Variants in PAQR8 observed in about 807,000 individuals in gnomAD.
PAQR8 encodes the protein membrane progestin receptor beta.
In PAQR8, 17 loss-of-function variants were observed where a neutral mutation model predicts 25.2. The observed-to-expected ratio is 0.67, with a 90% confidence interval of 0.46 to 1.01. The LOEUF (loss-of-function observed/expected upper bound fraction) is 1.01. Among genes scored for constraint, PAQR8 ranks in the 50% least tolerant of loss-of-function variants. The probability of loss-of-function intolerance (pLI) is 0.00; values close to 1 mark genes in which losing one functional copy is unlikely to be tolerated. For missense variants in PAQR8, 392 were observed against 448.4 expected, an observed-to-expected ratio of 0.87 and a Z score of 1.14; for synonymous variants, 204 against 190.6, an observed-to-expected ratio of 1.07 and a Z score of -0.58.
chr6:52,394,710 G>A (rs1028897820), intron 1 of PAQR8, among the ~76,000 whole-genome samples: 1 of 152,070 alleles, frequency 6.6e-6, no homozygotes, highest in Non-Finnish European at 1.5e-5. Flanking sequence ...GAGTGGTTAC[G>A]TTCAGTAGAT....
chr6:52,392,331 G>A (rs1173515700), intron 1 of PAQR8, among the ~76,000 whole-genome samples: 9 of 148,346 alleles, frequency 6.1e-5, no homozygotes, highest in Non-Finnish European at 1.3e-4. Context: ...GTGACAGAGC[G>A]AGACTCCATC....
intron 1 of PAQR8, among the ~76,000 whole-genome samples, chr6:52,374,801 A>G (rs1346214656): frequency 6.6e-6 from 1 of 151,914 alleles, no homozygotes; most frequent in Non-Finnish European, 1.5e-5. Context: ...CTCTTTTTTT[A>G]ACCATCTTAC....
chr6:52,386,354 C>G lies in PAQR8; in HGVS notation c.-52-16808C>G, dbSNP rs1019031967. 3.9e-5 allele frequency among the ~76,000 whole-genome samples: 6 copies of G among 152,246 alleles called. No homozygotes were observed. The East Asian group carries it at 7.7e-4, about 20-fold the overall frequency. ...GCAACCACATTACTGGGTATGTACT[C>G]AAAGGAAAACAAATTGTTCTACCAA... On this transcript the variant is annotated intron_variant, in intron 1 of 1. Transcript: ENST00000442253.
At chr6:52,364,083 GTTT>G (rs67846872) in intron 1 of PAQR8, among the ~76,000 whole-genome samples, 19 of 84,264 alleles carry the variant, frequency 2.3e-4, no homozygotes, top group African/African-American at 6.0e-4. Context: ...TGAAAGATAT[GTTT>G]TTTTTTTTTT....
intron 1 of PAQR8, among the ~76,000 whole-genome samples, chr6:52,392,498 C>T (rs1763721864): frequency 6.6e-6 from 1 of 152,154 alleles, no homozygotes; most frequent in East Asian, 1.9e-4. Flanking sequence ...AACACTATTG[C>T]TTTGGAGTGC....
chr6:52,398,494 C>T (rs1204247957), intron 1 of PAQR8, among the ~76,000 whole-genome samples: 1 of 152,052 alleles, frequency 6.6e-6, no homozygotes, highest in Non-Finnish European at 1.5e-5. Flanking sequence ...AGGTGTGAGC[C>T]ACCATGCGTG....
chr6:52,373,696 G>A (rs1397785649), intron 1 of PAQR8: 3 of 152,176 alleles, frequency 2.0e-5, no homozygotes. Flanking sequence ...GATTGCCTTA[G>A]GGTAGAGGGA....
intron 1 of PAQR8, 31 bp from the exon 2 acceptor site, chr6:52,403,131 G>A (rs908227933): frequency 2.5e-6 from 3 of 1,205,920 alleles, no homozygotes; most frequent in Admixed American, 2.5e-5. Context: ...GTCTCACTGC[G>A]GCTTTGCCAA....
chr6:52,383,012 C>T (rs1225481897), intron 1 of PAQR8, among the ~76,000 whole-genome samples: 1 of 152,196 alleles, frequency 6.6e-6, no homozygotes, highest in Non-Finnish European at 1.5e-5. Flanking sequence ...TCTCAAACTC[C>T]TGGGTTCAAG....
At chr6:52,392,703 A>G (rs1357199012) in intron 1 of PAQR8, among the ~76,000 whole-genome samples, 2 of 152,222 alleles carry the variant, frequency 1.3e-5, no homozygotes, top group African/African-American at 4.8e-5. Flanking sequence ...CCTCAGGTTT[A>G]TGATTGGAAT....
chr6:52,386,994 A>C (rs1763640064), intron 1 of PAQR8, among the ~76,000 whole-genome samples: 1 of 152,198 alleles, frequency 6.6e-6, no homozygotes, highest in African/African-American at 2.4e-5. Context: ...TTTCAAATGA[A>C]GCTCTTCTAT....
intron 1 of PAQR8, among the ~76,000 whole-genome samples, chr6:52,385,139 C>A (rs890744058): frequency 6.6e-6 from 1 of 152,164 alleles, no homozygotes; most frequent in Non-Finnish European, 1.5e-5. Context: ...ATAATTGGAT[C>A]ATGGGGGCAG....
rs1033091061 is a variant in PAQR8, at chr6:52,404,182, C to T, written c.969C>T (p.Ala323=). Residue 323 remains alanine (A), a synonymous_variant, in exon 2 of 2, where the codon GCC becomes GCT. Coordinates refer to ENST00000442253, the MANE Select transcript of PAQR8 (RefSeq NM_133367.5). ...QRHGPLSVHM[A]CLSFFFLAAC... ...ATGGACCCCTATCTGTCCACATGGC[C>T]TGCCTCTCCTTCTTCTTCCTGGCTG... 1 of 1,613,950 alleles carries T rather than the reference C, an allele frequency of 6.2e-7. No individual in the cohort carries two copies. The highest frequency in any genetic ancestry group is 8.5e-7 in the Non-Finnish European group (1 of 1,179,958).
intron 1 of PAQR8, among the ~76,000 whole-genome samples, chr6:52,382,920 C>T (rs1403451856): frequency 6.6e-6 from 1 of 152,138 alleles, no homozygotes; most frequent in Admixed American, 6.5e-5. Context: ...TAGCTGGGGC[C>T]ACAGGCACAT....
intron 1 of PAQR8, among the ~76,000 whole-genome samples, chr6:52,374,740 A>T (rs1384501152): frequency 6.6e-6 from 1 of 151,648 alleles, no homozygotes; most frequent in Non-Finnish European, 1.5e-5. Context: ...CTTCCCCCTT[A>T]CCTGTCCTGT....
intron 1 of PAQR8, among the ~76,000 whole-genome samples, chr6:52,393,073 T>C (rs1763728032): frequency 6.6e-6 from 1 of 152,198 alleles, no homozygotes; most frequent in African/African-American, 2.4e-5. Context: ...TTTTGAGGCA[T>C]AGTGGTTAAG....
intron 1 of PAQR8, among the ~76,000 whole-genome samples, chr6:52,382,673 A>G (rs1037917733): frequency 1.3e-5 from 2 of 152,228 alleles, no homozygotes; most frequent in Non-Finnish European, 2.9e-5. Flanking sequence ...ATGTAGATAT[A>G]ACTATAATTT....
At chr6:52,373,031 C>T (rs1042846272) in intron 1 of PAQR8, among the ~76,000 whole-genome samples, 1 of 152,216 alleles carries the variant, frequency 6.6e-6, no homozygotes, top group African/African-American at 2.4e-5. Flanking sequence ...ATCTTGTTTA[C>T]TGCCATGCTA....
At chr6:52,364,081 A>ATTTTTTTTTTTTT (rs1581786362) in intron 1 of PAQR8, among the ~76,000 whole-genome samples, 9 of 39,060 alleles carry the variant, frequency 2.3e-4, no homozygotes, top group Non-Finnish European at 4.0e-4. Flanking sequence ...ATTGAAAGAT[A>ATTTTTTTTTTTTT]TGTTTTTTTT....
Sources: gnomAD v4.1 joint callset for allele counts (sites outside exome capture counted in the v4.1 genomes callset) on GRCh38, gnomAD v4.1.1 for gene constraint, MANE v1.5 for transcripts, NCBI Gene and HGNC (gene_info 2026-07-23, HGNC 2026-07-21) for gene names.